The following CIMIP5 variants were observed in gnomAD, a reference collection of about 807,000 sequenced individuals.
CIMIP5 encodes ciliary microtubule inner protein 5.
the CIMIP5 span, among the ~76,000 whole-genome samples, chr2:11,151,365 G>A: frequency 3.3e-5 from 5 of 152,324 alleles, no homozygotes; most frequent in Admixed American, 1.3e-4. Context: ...AATGGCTCTC[G>A]AGTTCAGATC....
the CIMIP5 span, among the ~76,000 whole-genome samples, chr2:11,142,163 G>GCTACA: frequency 6.6e-6 from 1 of 151,920 alleles, no homozygotes; most frequent in East Asian, 1.9e-4. Context: ...CTACTCGGGA[G>GCTACA]GCTGAGGCAG....
At chr2:11,147,059 G>C in the CIMIP5 span, among the ~76,000 whole-genome samples, 1 of 152,186 alleles carries the variant, frequency 6.6e-6, no homozygotes, top group Non-Finnish European at 1.5e-5. Context: ...GGAGGGCCAG[G>C]GACCAGCGCC....
chr2:11,136,641 C>T, the CIMIP5 span, among the ~76,000 whole-genome samples: 1 of 152,130 alleles, frequency 6.6e-6, no homozygotes, highest in Non-Finnish European at 1.5e-5. Context: ...CAAATGGACA[C>T]AGGTGTTTTG....
At chr2:11,143,823 C>A in the CIMIP5 span, 50 of 1,090,454 alleles carry the variant, frequency 4.6e-5, no homozygotes, top group Non-Finnish European at 5.1e-5. Context: ...GGAGATGCTT[C>A]ACAAAGAGAG....
the CIMIP5 span, among the ~76,000 whole-genome samples, chr2:11,141,367 A>T: frequency 6.6e-6 from 1 of 151,894 alleles, no homozygotes; most frequent in Admixed American, 6.6e-5. Context: ...GACCTCAATT[A>T]GCCAACTGCC....
At chr2:11,153,630 G>A in the CIMIP5 span, among the ~76,000 whole-genome samples, 1 of 152,234 alleles carries the variant, frequency 6.6e-6, no homozygotes, top group Non-Finnish European at 1.5e-5. Flanking sequence ...TGTTCCTATA[G>A]TCATTGCTGC....
At chr2:11,148,732 C>CTTTTTTT in the CIMIP5 span, among the ~76,000 whole-genome samples, 349 of 35,500 alleles carry the variant, frequency 9.8e-3, 39 homozygotes, top group African/African-American at 0.018. Context: ...AATGAAAACT[C>CTTTTTTT]TTTTTTTTTT....
chr2:11,133,325 C>G, the CIMIP5 span: 2 of 1,585,354 alleles, frequency 1.3e-6, no homozygotes, highest in South Asian at 1.1e-5. Flanking sequence ...CACACACACA[C>G]ACTTGCACCA....
At chr2:11,143,857 C>T in the CIMIP5 span, 1 of 1,371,866 alleles carries the variant, frequency 7.3e-7, no homozygotes, top group Non-Finnish European at 9.8e-7. Context: ...GCTCTGTTTT[C>T]TCCCATTCTA....
chr2:11,153,531 A>T, the CIMIP5 span, among the ~76,000 whole-genome samples: 2 of 152,236 alleles, frequency 1.3e-5, no homozygotes, highest in Non-Finnish European at 2.9e-5. Flanking sequence ...ACTTCCAACC[A>T]GGACCACCTC....
chr2:11,148,563 A>G, the CIMIP5 span, among the ~76,000 whole-genome samples: 1 of 152,148 alleles, frequency 6.6e-6, no homozygotes, highest in African/African-American at 2.4e-5. Context: ...ATTTGGGACA[A>G]TATGAGCATC....
the CIMIP5 span, among the ~76,000 whole-genome samples, chr2:11,146,222 A>G: frequency 6.6e-6 from 1 of 152,208 alleles, no homozygotes. Context: ...CAGCAACCCT[A>G]TGAGATAGAT....
chr2:11,154,397 A>T, the CIMIP5 span, among the ~76,000 whole-genome samples: 1 of 151,880 alleles, frequency 6.6e-6, no homozygotes, highest in South Asian at 2.1e-4. Context: ...GGCTGGAGAG[A>T]AAGAGCCTCG....
At chr2:11,142,477 G>A in the CIMIP5 span, among the ~76,000 whole-genome samples, 3 of 152,228 alleles carry the variant, frequency 2.0e-5, no homozygotes, top group East Asian at 5.8e-4. Context: ...CTGTGCATCT[G>A]GTCTGGGCTT....
the CIMIP5 span, among the ~76,000 whole-genome samples, chr2:11,137,919 C>T: frequency 2.0e-5 from 3 of 152,212 alleles, no homozygotes; most frequent in Admixed American, 2.0e-4. Context: ...CATCTCGGCT[C>T]ACTGCAAGCT....
At chr2:11,137,376 AAAAAAAC>A in the CIMIP5 span, among the ~76,000 whole-genome samples, 777 of 152,340 alleles carry the variant, frequency 5.1e-3, 8 homozygotes, top group African/African-American at 0.018. Context: ...TCCATCTCAA[AAAAAAAC>A]AAAAAACAAA....
the CIMIP5 span, among the ~76,000 whole-genome samples, chr2:11,153,040 G>A: frequency 6.6e-6 from 1 of 152,176 alleles, no homozygotes; most frequent in South Asian, 2.1e-4. Context: ...TAAAAATGAC[G>A]CTGAGGAACA....
the CIMIP5 span, among the ~76,000 whole-genome samples, chr2:11,150,172 C>A: frequency 2.0e-5 from 3 of 151,336 alleles, no homozygotes; most frequent in East Asian, 5.9e-4. Flanking sequence ...GGTCTCGAAC[C>A]TCGTGATCCA....
the CIMIP5 span, among the ~76,000 whole-genome samples, chr2:11,142,880 C>G: frequency 2.6e-5 from 4 of 151,984 alleles, no homozygotes; most frequent in Admixed American, 6.6e-5. Flanking sequence ...GCCCCCACAC[C>G]CAACTAATTT....
Sources: allele counts gnomAD v4.1 joint callset (sites outside exome capture counted in the v4.1 genomes callset), GRCh38; gene constraint gnomAD v4.1.1; transcripts MANE v1.5; gene names NCBI Gene and HGNC (gene_info 2026-07-23, HGNC 2026-07-21).